Variants in CRISP2 observed in about 807,000 individuals in gnomAD.
CRISP2 encodes the protein cysteine rich secretory protein 2.
CRISP2 carries 29 observed loss-of-function variants against 31.7 expected under a neutral mutation model. The observed-to-expected ratio is 0.92, with a 90% CI of 0.68 to 1.25. CRISP2 has a LOEUF of 1.25. Ranked by LOEUF, CRISP2 falls within the 50% of genes most tolerant of loss-of-function variation. CRISP2 has a pLI of 0.00. For missense variants in CRISP2, 318 were observed against 286.5 expected, an observed-to-expected ratio of 1.11 and a Z score of -0.79; for synonymous variants, 111 against 101.4, an observed-to-expected ratio of 1.09 and a Z score of -0.57.
At position 49,707,285 on chromosome 6, in the gene CRISP2, T is replaced by A. The variant is rs576533837; in HGVS notation, c.66+1846A>T. The stretch of plus-strand genomic sequence containing the variant: ...ATGATAACAAAACTGATCTTAATGA[T>A]CTACAAGATAGGGAGGAAGGAGGGA... On this transcript the variant is annotated intron_variant, in intron 4 of 9. Coordinates refer to ENST00000339139, the MANE Select transcript of CRISP2 (RefSeq NM_003296.4). 2.0e-5 allele frequency among the ~76,000 whole-genome samples: 3 copies of A among 152,278 alleles called. No individual in the cohort carries two copies. The South Asian group carries it at 6.2e-4, about 32-fold the overall frequency.
rs577428520 is a variant in CRISP2 at position 49,692,782 on chromosome 6, T to G, written c.723A>C (p.Lys241Asn). 6.2e-7 allele frequency: 1 copy of G among 1,613,102 alleles called. No individual in the cohort carries two copies. The highest frequency in any genetic ancestry group is 1.7e-4 in the Middle Eastern group (1 of 6,056). ...KCKATCLCEN[K>N]IY ...ATGCTCACTAGGTAAATCAGTAAATTTTGTTCTCACATAGGCAAGTAGCCT... is the reference window on the plus strand; with the variant it reads ...ATGCTCACTAGGTAAATCAGTAAATGTTGTTCTCACATAGGCAAGTAGCCT... The change falls in exon 10 of 10, where the codon AAA becomes AAC. Residue 241 changes from lysine (K) to asparagine (N), a missense_variant. Lys to Asn is a moderately conservative substitution (Grantham distance 94). Coordinates refer to ENST00000339139, the MANE Select transcript of CRISP2 (RefSeq NM_003296.4).
At chr6:49,701,243 T>C (rs1089535) in intron 4 of CRISP2, among the ~76,000 whole-genome samples, 38,662 of 151,740 alleles carry the variant, frequency 0.25, 5,143 homozygotes, top group East Asian at 0.47. Flanking sequence ...GTGTACACTG[T>C]ATCCAATGTG....
At chr6:49,679,557 A>G in the CRISP2 span, among the ~76,000 whole-genome samples, 3 of 152,106 alleles carry the variant, frequency 2.0e-5, no homozygotes, top group Non-Finnish European at 4.4e-5. Flanking sequence ...TTCTCCCCTA[A>G]TGACTGCACT....
intron 4 of CRISP2, among the ~76,000 whole-genome samples, chr6:49,706,318 A>G (rs909721664): frequency 2.0e-5 from 3 of 152,152 alleles, no homozygotes. Context: ...CTATAGTGAA[A>G]CCATTATACC....
At chr6:49,704,975 T>C (rs1454173595) in intron 4 of CRISP2, among the ~76,000 whole-genome samples, 2 of 152,090 alleles carry the variant, frequency 1.3e-5, no homozygotes, top group African/African-American at 2.4e-5. Context: ...TTCAAGACAG[T>C]GTAAGCTGTG....
At chr6:49,677,059 A>G in the CRISP2 span, among the ~76,000 whole-genome samples, 209 of 152,256 alleles carry the variant, frequency 1.4e-3, 1 homozygote, top group South Asian at 5.0e-3. Context: ...AAGAGGACGA[A>G]AGGGCAAGCT....
chr6:49,680,653 G>A, the CRISP2 span, among the ~76,000 whole-genome samples: 27 of 152,040 alleles, frequency 1.8e-4, no homozygotes, highest in Non-Finnish European at 2.4e-4. Context: ...CCACAACCTT[G>A]CCAACATCTG....
At chr6:49,691,086 G>C (rs1327769662), downstream of CRISP2, among the ~76,000 whole-genome samples, 1 of 151,896 alleles carries the variant, frequency 6.6e-6, no homozygotes, top group Non-Finnish European at 1.5e-5. Context: ...GACCAGATCA[G>C]ATCTTCCACC....
chr6:49,700,220 T>C (rs574725619), intron 5 of CRISP2, among the ~76,000 whole-genome samples: 1 of 152,290 alleles, frequency 6.6e-6, no homozygotes, highest in Non-Finnish European at 1.5e-5. Flanking sequence ...TTAATAGTAA[T>C]AAGATGGCCA....
At position 49,711,905 on chromosome 6, in the gene CRISP2, A is replaced by T. The variant is rs147438612; in HGVS notation, c.-46-584T>A. 1.7e-3 allele frequency among the ~76,000 whole-genome samples: 260 copies of T among 152,320 alleles called. 1 individual carries two copies. The highest frequency in any genetic ancestry group is 3.2e-3 in the Non-Finnish European group (216 of 68,030). ...CTCTAATACAATAAACACATTATGC[A>T]CATAATACAAATAAACGGAAATTAT... On this transcript the variant is annotated intron_variant, in intron 2 of 9. Coordinates refer to ENST00000339139, the MANE Select transcript of CRISP2 (RefSeq NM_003296.4).
In CRISP2 at chr6:49,697,961, C is replaced by A. The variant is rs953270159; in HGVS notation, c.418-4G>T. On this transcript the variant is annotated splice_region_variant and splice_polypyrimidine_tract_variant and intron_variant, in intron 7 of 9. Transcript: ENST00000339139. ...GGTAAGTCGAGTACCAAACAAGCTGCAAATTAACAATGGAATAAATATATA... is the reference window on the plus strand; with the variant it reads ...GGTAAGTCGAGTACCAAACAAGCTGAAAATTAACAATGGAATAAATATATA... 1.9e-6 allele frequency: 3 copies of A among 1,571,676 alleles called. No homozygotes were observed. The highest frequency in any genetic ancestry group is 1.2e-5 in the South Asian group (1 of 83,872).
At chr6:49,679,095 G>A in the CRISP2 span, among the ~76,000 whole-genome samples, 57 of 152,186 alleles carry the variant, frequency 3.7e-4, no homozygotes, top group African/African-American at 1.1e-3. Flanking sequence ...CTTTTATTGA[G>A]TGAACATTTT....
At chr6:49,678,447 T>A in the CRISP2 span, among the ~76,000 whole-genome samples, 1 of 152,028 alleles carries the variant, frequency 6.6e-6, no homozygotes, top group African/African-American at 2.4e-5. Flanking sequence ...GGAGAAAAAA[T>A]TTCCATCTTA....
At chr6:49,691,210 T>C (rs557538572), downstream of CRISP2, among the ~76,000 whole-genome samples, 3 of 152,212 alleles carry the variant, frequency 2.0e-5, no homozygotes, top group Admixed American at 1.3e-4. Context: ...TGGAATATTC[T>C]GTTTGCTTCT....
chr6:49,706,158 T>C (rs960724984), intron 4 of CRISP2, among the ~76,000 whole-genome samples: 6 of 152,204 alleles, frequency 3.9e-5, no homozygotes, highest in Non-Finnish European at 5.9e-5. Context: ...CCTTGAGATA[T>C]ATTCATTCAC....
At chr6:49,695,273 A>AT (rs1388489649) in intron 9 of CRISP2, among the ~76,000 whole-genome samples, 3 of 152,204 alleles carry the variant, frequency 2.0e-5, no homozygotes, top group Non-Finnish European at 4.4e-5. Context: ...TTGTATATAG[A>AT]TTGAGTTTTG....
intron 4 of CRISP2, among the ~76,000 whole-genome samples, chr6:49,704,970 G>A (rs1159472067): frequency 6.6e-6 from 1 of 152,158 alleles, no homozygotes; most frequent in Non-Finnish European, 1.5e-5. Flanking sequence ...TTGGTTTCAA[G>A]ACAGTGTAAG....
chr6:49,710,821 T>C (rs16879647), intron 3 of CRISP2, among the ~76,000 whole-genome samples: 2,727 of 152,270 alleles, frequency 0.018, 251 homozygotes, highest in Admixed American at 0.16. Context: ...TACAAATTTA[T>C]TAAAGTTTTG....
intron 9 of CRISP2, among the ~76,000 whole-genome samples, chr6:49,695,349 C>T (rs1227101156): frequency 2.0e-5 from 3 of 152,206 alleles, no homozygotes; most frequent in Middle Eastern, 3.4e-3. Context: ...AAGGCAAACA[C>T]TATGATCCTA....
Sources: allele counts gnomAD v4.1 joint callset (sites outside exome capture counted in the v4.1 genomes callset), GRCh38; gene constraint gnomAD v4.1.1; transcripts MANE v1.5; gene names NCBI Gene and HGNC (gene_info 2026-07-23, HGNC 2026-07-21).